The following PRKCE variants were observed in gnomAD, a reference collection of about 807,000 sequenced individuals.
The protein encoded by PRKCE is protein kinase C epsilon type.
A neutral mutation model predicts 85.4 loss-of-function variants in PRKCE; 16 were observed. The ratio of observed to expected loss-of-function variants is 0.19; its 90% CI spans 0.13 to 0.28. The LOEUF (loss-of-function observed/expected upper bound fraction) is 0.28. PRKCE is among the 10% of genes least tolerant of loss of function. The pLI is 1.00. For synonymous variants in PRKCE, 388 were observed against 371.5 expected (o/e 1.04, Z -0.51); for missense variants, 573 against 975.2 (o/e 0.59, Z 5.49).
chr2:45,811,553 C>G (rs965483178), intron 1 of PRKCE, among the ~76,000 whole-genome samples: 2 of 152,174 alleles, frequency 1.3e-5, no homozygotes, highest in Non-Finnish European at 1.5e-5. Flanking sequence ...TTTTCTTATT[C>G]TTTTTGAATT....
chr2:45,956,386 T>C (rs1284206078), intron 2 of PRKCE, among the ~76,000 whole-genome samples: 1 of 152,104 alleles, frequency 6.6e-6, no homozygotes, highest in Admixed American at 6.5e-5. Context: ...TTTTATTTTA[T>C]AAGAACCTGC....
intron 10 of PRKCE, among the ~76,000 whole-genome samples, chr2:46,031,934 C>G (rs145082183): frequency 2.0e-5 from 3 of 152,324 alleles, no homozygotes. Flanking sequence ...AAACTCATCT[C>G]ACAGCCTCTT....
intron 10 of PRKCE, among the ~76,000 whole-genome samples, chr2:46,021,254 G>C (rs1487499325): frequency 6.6e-6 from 1 of 152,210 alleles, no homozygotes; most frequent in Non-Finnish European, 1.5e-5. Context: ...CTAAGTTGTG[G>C]AGTTCTTACT....
intron 6 of PRKCE, among the ~76,000 whole-genome samples, chr2:45,988,996 C>A (rs896327318): frequency 1.1e-4 from 17 of 152,264 alleles, no homozygotes; most frequent in African/African-American, 4.1e-4. Flanking sequence ...AGAGAAGATC[C>A]AGTTCTCACC....
chr2:45,675,267 CCCTTAGCA>C, intron 1 of PRKCE: 1 of 152,338 alleles, frequency 6.6e-6, no homozygotes, highest in Non-Finnish European at 1.5e-5. Flanking sequence ...CCCAGCGTGC[CCCTTAGCA>C]CCTTAGCCCA....
At chr2:45,775,998 AAT>A (rs945502458) in intron 1 of PRKCE, among the ~76,000 whole-genome samples, 1 of 152,198 alleles carries the variant, frequency 6.6e-6, no homozygotes, top group African/African-American at 2.4e-5. Flanking sequence ...TCTTTGTTGT[AAT>A]GTGCCCACAA....
At chr2:45,893,604 C>T (rs1201761806) in intron 2 of PRKCE, among the ~76,000 whole-genome samples, 4 of 151,730 alleles carry the variant, frequency 2.6e-5, no homozygotes, top group African/African-American at 4.8e-5. Flanking sequence ...TCAGGCAATC[C>T]GCCCGCCTCA....
intron 1 of PRKCE, among the ~76,000 whole-genome samples, chr2:45,836,687 C>T (rs909796662): frequency 1.3e-5 from 2 of 152,168 alleles, no homozygotes; most frequent in Non-Finnish European, 2.9e-5. Context: ...AACCAGTCCC[C>T]CAGTCTTCTG....
intron 2 of PRKCE, among the ~76,000 whole-genome samples, chr2:45,955,401 G>A (rs77960035): frequency 0.01 from 1,563 of 152,302 alleles, 29 homozygotes; most frequent in African/African-American, 0.035. Context: ...TGAAAGGCCC[G>A]TAGCATAAAA....
chr2:45,783,092 G>A (rs909967605), intron 1 of PRKCE, among the ~76,000 whole-genome samples: 12 of 152,192 alleles, frequency 7.9e-5, no homozygotes, highest in African/African-American at 2.7e-4. Context: ...GGCCCCAGTG[G>A]CCAGTGTGCA....
intron 2 of PRKCE, 122 bp downstream of exon 2, chr2:45,843,185 A>C (rs1691501559): frequency 3.4e-6 from 3 of 886,750 alleles, no homozygotes; most frequent in Non-Finnish European, 5.4e-6. Flanking sequence ...GCATCCTTTA[A>C]AGGAAAAGGT....
At chr2:45,833,391 G>A (rs1223334136) in intron 1 of PRKCE, among the ~76,000 whole-genome samples, 1 of 152,124 alleles carries the variant, frequency 6.6e-6, no homozygotes, top group East Asian at 1.9e-4. Context: ...AAGAGCTGTG[G>A]AATCCTCAAA....
intron 10 of PRKCE, among the ~76,000 whole-genome samples, chr2:46,058,557 T>C (rs1666820023): frequency 6.6e-6 from 1 of 152,174 alleles, no homozygotes; most frequent in Admixed American, 6.5e-5. Flanking sequence ...CAGAAAGTTG[T>C]GGTAAAGATG....
At chr2:45,746,642 G>C (rs547299741) in intron 1 of PRKCE, among the ~76,000 whole-genome samples, 1 of 152,182 alleles carries the variant, frequency 6.6e-6, no homozygotes, top group East Asian at 1.9e-4. Context: ...TTATATCATT[G>C]CCCGTAATAT....
intron 6 of PRKCE, among the ~76,000 whole-genome samples, chr2:45,997,848 G>C (rs889834394): frequency 1.3e-5 from 2 of 152,150 alleles, no homozygotes; most frequent in African/African-American, 2.4e-5. Flanking sequence ...TACCCGGCCG[G>C]TAAGTTGTAT....
intron 2 of PRKCE, among the ~76,000 whole-genome samples, chr2:45,961,092 A>C (rs1457405853): frequency 6.6e-6 from 1 of 151,730 alleles, no homozygotes. Flanking sequence ...AGTCAGCCTT[A>C]CTCACTTATA....
At chr2:45,856,745 C>T (rs1163173444) in intron 2 of PRKCE, among the ~76,000 whole-genome samples, 11 of 152,186 alleles carry the variant, frequency 7.2e-5, no homozygotes, top group Admixed American at 7.2e-4. Flanking sequence ...CACTATTTTA[C>T]TCTCTTCTTC....
At chr2:46,175,475 T>A (rs1228715775) in intron 14 of PRKCE, among the ~76,000 whole-genome samples, 1 of 152,240 alleles carries the variant, frequency 6.6e-6, no homozygotes, top group Non-Finnish European at 1.5e-5. Context: ...TCTCGCCACT[T>A]GATTGTATTC....
At chr2:45,781,648 C>T (rs1417042474) in intron 1 of PRKCE, among the ~76,000 whole-genome samples, 2 of 152,144 alleles carry the variant, frequency 1.3e-5, no homozygotes, top group Non-Finnish European at 2.9e-5. Flanking sequence ...CGCCCGCCCC[C>T]CGGCCCCCGA....
Sources: gnomAD v4.1 joint callset for allele counts (sites outside exome capture counted in the v4.1 genomes callset) on GRCh38, gnomAD v4.1.1 for gene constraint, MANE v1.5 for transcripts, NCBI Gene and HGNC (gene_info 2026-07-23, HGNC 2026-07-21) for gene names.